DENND4C: variants seen among roughly 807,000 people sequenced by gnomAD.
DENND4C encodes the protein DENN domain-containing protein 4C.
DENND4C carries 108 observed loss-of-function variants against 203.0 expected under a neutral mutation model. That is an observed-to-expected ratio of 0.53 (90% CI 0.46 to 0.62). The LOEUF (loss-of-function observed/expected upper bound fraction) is 0.62, where lower values mean the gene tolerates loss of function less well. Among genes scored for constraint, DENND4C ranks in the 20% least tolerant of loss-of-function variants. The pLI is 0.00. For synonymous variants in DENND4C, 871 were observed against 792.4 expected (o/e 1.10, Z -1.67); for missense variants, 2,481 against 2,301.2 (o/e 1.08, Z -1.60).
intron 30 of DENND4C, among the ~76,000 whole-genome samples, chr9:19,363,514 A>G (rs1216436863): frequency 6.6e-6 from 1 of 151,854 alleles, no homozygotes; most frequent in Non-Finnish European, 1.5e-5. Context: ...AAAAAAAATT[A>G]AAAAAACATT....
At position 19,299,950 on chromosome 9, in the gene DENND4C, C is replaced by G. The variant is rs369353407; in HGVS notation, c.1167-237C>G. On this transcript the variant is annotated intron_variant, in intron 8 of 32. Coordinates refer to ENST00000434457, the MANE Select transcript of DENND4C (RefSeq NM_001330640.2). ...CCATCCTTGTCTCCATTCTTCTGAG[C>G]TCAACTCAAATGGCTGTTCAGGAAA... Among the ~76,000 whole-genome samples, 22 of 152,314 alleles carry G rather than the reference C, an allele frequency of 1.4e-4. No individual in the cohort carries two copies. In the East Asian group the frequency reaches 4.0e-3, roughly 28 times the overall value.
intron 31 of DENND4C, 106 bp from the exon 32 acceptor site, chr9:19,371,650 T>C: frequency 1.6e-6 from 1 of 612,898 alleles, no homozygotes; most frequent in South Asian, 1.8e-5. Flanking sequence ...ATAGTTATAT[T>C]ACTATTAACT....
rs748107217 is a variant in DENND4C at position 19,360,277 on chromosome 9, G to A, written c.5194G>A (p.Val1732Ile). Residue 1732 changes from valine (V) to isoleucine (I), a missense_variant, in exon 29 of 33, where the codon GTT (valine) becomes ATT (isoleucine). Transcript: ENST00000434457. ...AGGAAAAAGACCCAATCCTCCCCCT[G>A]TTTCTGTGCCCTACTTGAGTCCTCT... ...PLGKRPNPPP[V>I]SVPYLSPLVL... 2.5e-6 allele frequency: 4 copies of A among 1,613,340 alleles called. No homozygotes were observed. Among genetic ancestry groups the A allele is most frequent in the Non-Finnish European group, 3.4e-6 (4 of 1,179,804 alleles).
chr9:19,275,417 C>G (rs994207491), intron 1 of DENND4C, among the ~76,000 whole-genome samples: 23 of 152,004 alleles, frequency 1.5e-4, no homozygotes, highest in African/African-American at 5.3e-4. Flanking sequence ...CCCAGCCTCC[C>G]GAGTAGCTGG....
intron 18 of DENND4C, among the ~76,000 whole-genome samples, 189 bp downstream of exon 18, chr9:19,335,294 G>A (rs180717911): frequency 2.6e-5 from 4 of 152,152 alleles, no homozygotes; most frequent in Non-Finnish European, 4.4e-5. Context: ...TTTGAGATAT[G>A]TATATTGTGG....
chr9:19,349,926 C>A (rs1226229302), intron 23 of DENND4C, among the ~76,000 whole-genome samples: 1 of 152,060 alleles, frequency 6.6e-6, no homozygotes, highest in Non-Finnish European at 1.5e-5. Context: ...AGATGTATAT[C>A]AAGATTTTGA....
At chr9:19,241,147 G>C (rs1823597249) in intron 1 of DENND4C, among the ~76,000 whole-genome samples, 1 of 152,136 alleles carries the variant, frequency 6.6e-6, no homozygotes, top group Non-Finnish European at 1.5e-5. Flanking sequence ...GGATATTACT[G>C]TGCCCTACTG....
chr9:19,329,798 A>G (rs1818677803), intron 16 of DENND4C, among the ~76,000 whole-genome samples: 1 of 152,262 alleles, frequency 6.6e-6, no homozygotes, highest in Admixed American at 6.5e-5. Flanking sequence ...TAATGTAAAT[A>G]TACTTTATTC....
intron 10 of DENND4C, among the ~76,000 whole-genome samples, chr9:19,308,534 G>A (rs145786382): frequency 1.1e-3 from 161 of 152,090 alleles, no homozygotes; most frequent in African/African-American, 3.7e-3. Flanking sequence ...CTTTTGATTT[G>A]TAGAAATTGT....
At chr9:19,336,500 C>G (rs558641254) in intron 19 of DENND4C, 86 bp downstream of exon 19, 321 of 1,483,256 alleles carry the variant, frequency 2.2e-4, no homozygotes, top group Middle Eastern at 4.1e-4. Context: ...AAGTAGAAAA[C>G]TTAAATTCCG....
At chr9:19,235,456 A>G (rs543420741) in intron 1 of DENND4C, among the ~76,000 whole-genome samples, 3 of 152,346 alleles carry the variant, frequency 2.0e-5, no homozygotes, top group South Asian at 4.1e-4. Flanking sequence ...GTTTGTGTAC[A>G]TTAACTTATG....
intron 6 of DENND4C, 97 bp from the exon 7 acceptor site, chr9:19,297,959 T>C (rs1563776020): frequency 3.2e-6 from 3 of 950,554 alleles, no homozygotes. Flanking sequence ...GGCCATGTCA[T>C]ATCTGGGATG....
At chr9:19,347,188 G>A in intron 23 of DENND4C, 102 bp downstream of exon 23, 2 of 1,170,032 alleles carry the variant, frequency 1.7e-6, no homozygotes, top group Non-Finnish European at 2.4e-6. Context: ...TGCCCAGGCT[G>A]GAGTACAGTG....
chr9:19,336,435 T>C lies in DENND4C; in HGVS notation c.2734+21T>C, dbSNP rs778113252. 7 of 1,601,128 alleles carry C rather than the reference T, an allele frequency of 4.4e-6. No homozygotes were observed. The Admixed American group carries it at 1.2e-4, about 28-fold the overall frequency. ...ATCAGGTAATACATGTGATTAGAAA[T>C]ATAATTCCTTACTGAACCATGAGCT... On this transcript the variant is annotated intron_variant, in intron 19 of 32. Transcript: ENST00000434457.
intron 1 of DENND4C, among the ~76,000 whole-genome samples, chr9:19,255,781 T>G (rs761758465): frequency 6.6e-6 from 1 of 152,250 alleles, no homozygotes; most frequent in Non-Finnish European, 1.5e-5. Flanking sequence ...GTCAGAGATT[T>G]TAATGCCATT....
chr9:19,256,875 C>G (rs917679830), intron 1 of DENND4C, among the ~76,000 whole-genome samples: 4 of 151,638 alleles, frequency 2.6e-5, no homozygotes, highest in Admixed American at 6.6e-5. Context: ...TCGAGACCAT[C>G]CTGGCTAACA....
At chr9:19,256,087 G>GAAA (rs78567132) in intron 1 of DENND4C, among the ~76,000 whole-genome samples, 1 of 117,674 alleles carries the variant, frequency 8.5e-6, no homozygotes, top group African/African-American at 3.0e-5. Flanking sequence ...AAAAATAAAT[G>GAAA]AAAAAAAAAA....
rs748306350 is a variant in DENND4C, at chr9:19,370,068, C to G, written c.5675+81C>G. 2.6e-6 allele frequency: 4 copies of G among 1,519,390 alleles called. No homozygotes were observed. In the Admixed American group the frequency reaches 5.1e-5, roughly 19 times the overall value. 94.1% of individuals were successfully genotyped at this position (1,519,390 alleles called of 1,614,324 possible). On this transcript the variant is annotated intron_variant, in intron 31 of 32. Transcript: ENST00000434457. Reference sequence around the variant, plus strand: ...AAATATCTTACTTTTAAAAATATCTCTAGTTGTCGAAGAAACACATACTCA... The same window carrying G: ...AAATATCTTACTTTTAAAAATATCTGTAGTTGTCGAAGAAACACATACTCA...
At chr9:19,291,161 A>G (rs1277565512) in intron 5 of DENND4C, among the ~76,000 whole-genome samples, 3 of 152,206 alleles carry the variant, frequency 2.0e-5, no homozygotes, top group Admixed American at 2.0e-4. Flanking sequence ...CATAGGTACC[A>G]TAGAAAGAAT....
Sources: gnomAD v4.1 joint callset for allele counts (sites outside exome capture counted in the v4.1 genomes callset) on GRCh38, gnomAD v4.1.1 for gene constraint, MANE v1.5 for transcripts, NCBI Gene and HGNC (gene_info 2026-07-23, HGNC 2026-07-21) for gene names.